WWOX: variants seen among roughly 807,000 people sequenced by gnomAD.
WWOX encodes the protein WW domain-containing oxidoreductase.
Under a neutral mutation model 46.2 loss-of-function variants are expected in WWOX, and 69 were observed. That is an observed-to-expected ratio of 1.49 (90% CI 1.23 to 1.82). The LOEUF is 1.82. Ranked by LOEUF, WWOX falls within the 40% of genes most tolerant of loss-of-function variation. WWOX has a pLI of 0.00. For synonymous variants in WWOX, 359 were observed against 202.6 expected (o/e 1.77, Z -6.56); for missense variants, 919 against 542.6 (o/e 1.69, Z -6.89).
chr16:78,404,030 G>C (rs958695337), intron 6 of WWOX, among the ~76,000 whole-genome samples: 1 of 152,164 alleles, frequency 6.6e-6, no homozygotes, highest in South Asian at 2.1e-4. Context: ...CCACCTAGCA[G>C]AAGTCTTTTG....
At chr16:78,581,534 C>T (rs112622026) in intron 8 of WWOX, among the ~76,000 whole-genome samples, 66 of 152,108 alleles carry the variant, frequency 4.3e-4, no homozygotes, top group Non-Finnish European at 6.9e-4. Context: ...TCGTCTTACA[C>T]GTTAATGGTA....
intron 8 of WWOX, among the ~76,000 whole-genome samples, chr16:78,635,547 T>G (rs377254161): frequency 6.6e-6 from 1 of 152,182 alleles, no homozygotes; most frequent in Admixed American, 6.6e-5. Flanking sequence ...GCAGACAAGT[T>G]GCTCATCCTC....
intron 5 of WWOX, among the ~76,000 whole-genome samples, chr16:78,292,773 C>G (rs2079880773): frequency 6.6e-6 from 1 of 152,074 alleles, no homozygotes; most frequent in Non-Finnish European, 1.5e-5. Flanking sequence ...GTAGAAGAGC[C>G]AAATAGATTC....
chr16:78,887,753 C>G (rs1028312130), intron 8 of WWOX, among the ~76,000 whole-genome samples: 2 of 152,156 alleles, frequency 1.3e-5, no homozygotes, highest in African/African-American at 4.8e-5. Flanking sequence ...ATCAAAATTC[C>G]CATTTGCCTT....
chr16:79,124,805 A>C (rs1450835776), intron 8 of WWOX, among the ~76,000 whole-genome samples: 1 of 152,220 alleles, frequency 6.6e-6, no homozygotes, highest in African/African-American at 2.4e-5. Flanking sequence ...ATAAAAGTAT[A>C]AACCAATGAG....
chr16:78,224,871 A>G (rs1418061581), intron 5 of WWOX, among the ~76,000 whole-genome samples: 1 of 152,112 alleles, frequency 6.6e-6, no homozygotes, highest in Non-Finnish European at 1.5e-5. Context: ...ATTATTTTTT[A>G]TTGATGTGTT....
intron 5 of WWOX, among the ~76,000 whole-genome samples, chr16:78,324,857 C>T (rs2080575947): frequency 1.3e-5 from 2 of 152,258 alleles, no homozygotes; most frequent in South Asian, 2.1e-4. Context: ...GTGTTGGTTG[C>T]ACAACTCTAA....
At chr16:78,923,540 A>G (rs1393197698) in intron 8 of WWOX, among the ~76,000 whole-genome samples, 1 of 152,094 alleles carries the variant, frequency 6.6e-6, no homozygotes, top group African/African-American at 2.4e-5. Context: ...TGGAAATTCT[A>G]CATACATAAT....
rs139189901 is a variant in WWOX at position 79,153,351 on chromosome 16, G to A, written c.1057-58257G>A. ...TGAGTCACGCCAAGCCGCCCTTTCA[G>A]TGCGAAGGAATCCAAGCAGAGCCCT... is the stretch of plus-strand genomic sequence containing the variant. On this transcript the variant is annotated intron_variant, in intron 8 of 8. Transcript: ENST00000566780. Among the ~76,000 whole-genome samples, 569 of 152,246 alleles carry A rather than the reference G, an allele frequency of 3.7e-3. 2 individuals carry two copies. Among genetic ancestry groups the A allele is most frequent in the African/African-American group, 0.013 (535 of 41,556 alleles).
At chr16:78,586,409 A>C (rs2045210092) in intron 8 of WWOX, among the ~76,000 whole-genome samples, 1 of 152,082 alleles carries the variant, frequency 6.6e-6, no homozygotes, top group Non-Finnish European at 1.5e-5. Flanking sequence ...TGGGGAGGTA[A>C]GGCCAGATTT....
chr16:78,862,026 G>A (rs1040564008), intron 8 of WWOX, among the ~76,000 whole-genome samples: 5 of 151,108 alleles, frequency 3.3e-5, no homozygotes, highest in African/African-American at 1.2e-4. Context: ...TATAGATATA[G>A]ATACACACAT....
At chr16:78,989,454 C>T (rs963689702) in intron 8 of WWOX, among the ~76,000 whole-genome samples, 10 of 152,210 alleles carry the variant, frequency 6.6e-5, no homozygotes, top group Non-Finnish European at 1.3e-4. Flanking sequence ...CCTGCCCATG[C>T]TGGCTTGCAG....
At chr16:78,297,982 C>A (rs1455483148) in intron 5 of WWOX, among the ~76,000 whole-genome samples, 3 of 152,082 alleles carry the variant, frequency 2.0e-5, no homozygotes, top group Non-Finnish European at 2.9e-5. Context: ...GGAGACCGTT[C>A]CCCCGTGCTG....
chr16:79,142,900 C>T (rs893101142), intron 8 of WWOX, among the ~76,000 whole-genome samples: 7 of 152,000 alleles, frequency 4.6e-5, no homozygotes, highest in African/African-American at 1.2e-4. Context: ...GACAAGTTCT[C>T]GCCTTATTGC....
chr16:79,083,357 C>G (rs1440988257), intron 8 of WWOX, among the ~76,000 whole-genome samples: 1 of 152,190 alleles, frequency 6.6e-6, no homozygotes, highest in Non-Finnish European at 1.5e-5. Context: ...AAGCAATGTT[C>G]AGATGAAACC....
intron 8 of WWOX, chr16:78,691,149 C>A: frequency 1.5e-6 from 1 of 670,848 alleles, no homozygotes; most frequent in Non-Finnish European, 2.7e-6. Context: ...AAAGCAAAAG[C>A]ACAGTATTTC....
chr16:79,102,054 AGGGGGGAG>A (rs1274086871), intron 8 of WWOX, among the ~76,000 whole-genome samples: 1 of 13,990 alleles, frequency 7.1e-5, no homozygotes, highest in Non-Finnish European at 1.4e-4. Flanking sequence ...GGCAGGGAGT[AGGGGGGAG>A]GGGGGGAGGG....
intron 8 of WWOX, among the ~76,000 whole-genome samples, chr16:78,821,044 C>T (rs553633683): frequency 6.6e-6 from 1 of 152,156 alleles, no homozygotes; most frequent in Non-Finnish European, 1.5e-5. Context: ...TTTGCAAAGA[C>T]CCTGTTTCCA....
At chr16:78,752,457 T>G (rs917702492) in intron 8 of WWOX, among the ~76,000 whole-genome samples, 51 of 152,138 alleles carry the variant, frequency 3.4e-4, no homozygotes, top group Non-Finnish European at 6.3e-4. Flanking sequence ...CTGGCTAATT[T>G]TTGTATTTTT....
Sources: gnomAD v4.1 joint callset for allele counts (sites outside exome capture counted in the v4.1 genomes callset) on GRCh38, gnomAD v4.1.1 for gene constraint, MANE v1.5 for transcripts, NCBI Gene and HGNC (gene_info 2026-07-23, HGNC 2026-07-21) for gene names.